The following BOC variants were observed in gnomAD, a reference collection of about 807,000 sequenced individuals.
BOC encodes the protein BOC cell adhesion associated, oncogene regulated.
A neutral mutation model predicts 112.0 loss-of-function variants in BOC; 76 were observed. That is an observed-to-expected ratio of 0.68 (90% CI 0.56 to 0.82). The LOEUF (loss-of-function observed/expected upper bound fraction) is 0.82. Ranked by LOEUF, BOC falls within the 40% of genes least tolerant of loss-of-function variation. BOC has a pLI of 0.00. For synonymous variants in BOC, 580 were observed against 599.8 expected, an observed-to-expected ratio of 0.97 and a Z score of 0.48; for missense variants, 1,309 against 1,511.7, an observed-to-expected ratio of 0.87 and a Z score of 2.22.
chr3:113,228,301 G>A (rs148901547), intron 2 of BOC, among the ~76,000 whole-genome samples: 69 of 144,020 alleles, frequency 4.8e-4, no homozygotes, highest in African/African-American at 1.5e-3. Flanking sequence ...CCCATTATTC[G>A]AATCCTAGGG....
chr3:113,252,527 A>T (rs1945757705), intron 4 of BOC, among the ~76,000 whole-genome samples: 1 of 152,084 alleles, frequency 6.6e-6, no homozygotes, highest in African/African-American at 2.4e-5. Flanking sequence ...GTAGGGAGGG[A>T]TGGAGAAGCA....
At position 113,278,151 on chromosome 3, in the gene BOC, C is replaced by A; in HGVS notation, c.1599C>A (p.His533Gln). The stretch of plus-strand genomic sequence containing the variant: ...TCTCTGGCATTCCAGCCAACCAGCA[C>A]CGCCTGACCCTCACCAGACTTGACC... ...WTISGIPANQ[H>Q]RLTLTRLDPG... Residue 533 changes from histidine (H) to glutamine (Q), a missense_variant, in exon 10 of 20, where the codon CAC becomes CAA. Physicochemically the swap from His to Gln is conservative, Grantham distance 24. Transcript: ENST00000682979. The surrounding 1 kb of genome is among the most constrained non-coding windows in gnomAD (Gnocchi z 4.2). 1.2e-6 allele frequency: 2 copies of A among 1,614,254 alleles called. No homozygotes were observed. Among genetic ancestry groups the A allele is most frequent in the Non-Finnish European group, 1.7e-6 (2 of 1,180,046 alleles).
At chr3:113,255,297 A>G (rs1946114508) in intron 4 of BOC, among the ~76,000 whole-genome samples, 1 of 152,050 alleles carries the variant, frequency 6.6e-6, no homozygotes, top group South Asian at 2.1e-4. Context: ...CTGAACCAAC[A>G]GCAGACCCTG....
At chr3:113,276,038 A>G (rs1576486883) in intron 9 of BOC, among the ~76,000 whole-genome samples, 2 of 152,208 alleles carry the variant, frequency 1.3e-5, no homozygotes, top group East Asian at 3.9e-4. Flanking sequence ...ATGAGTTTTT[A>G]ACAAAAAGCA....
intron 4 of BOC, among the ~76,000 whole-genome samples, chr3:113,260,903 C>T (rs1230184790): frequency 6.6e-6 from 1 of 152,110 alleles, no homozygotes; most frequent in Non-Finnish European, 1.5e-5. Flanking sequence ...ATCCCAAAAC[C>T]ATCCCCCCCA....
chr3:113,282,105 G>A (rs1949253847), intron 15 of BOC, among the ~76,000 whole-genome samples: 1 of 152,194 alleles, frequency 6.6e-6, no homozygotes, highest in South Asian at 2.1e-4. Context: ...GGGGTGTCAG[G>A]CACCGGGAAG....
chr3:113,249,961 A>G lies in BOC; in HGVS notation c.97+62A>G. 4 of 1,442,256 alleles carry G rather than the reference A, an allele frequency of 2.8e-6. No homozygotes were observed. The South Asian group carries it at 3.6e-5, about 13-fold the overall frequency. The allele number at this position is 1,442,256 out of a possible 1,614,324, so 89.3% of individuals were successfully genotyped here. A position where few individuals can be genotyped will look rare whatever the true frequency, so the allele number is the denominator to read the frequency against. ...CAAATGGAAACATTCCGCATTCTACAATAACTCTTTAAAAAGGCCTTCTTT... is the reference window on the plus strand; with the variant it reads ...CAAATGGAAACATTCCGCATTCTACGATAACTCTTTAAAAAGGCCTTCTTT... On this transcript the variant is annotated intron_variant, in intron 3 of 19. Transcript: ENST00000682979.
intron 2 of BOC, among the ~76,000 whole-genome samples, chr3:113,217,052 G>A (rs551254876): frequency 2.3e-4 from 35 of 152,310 alleles, no homozygotes; most frequent in South Asian, 2.1e-4. Context: ...GGAGGTTGGC[G>A]CCTTCATCCT....
intron 4 of BOC, among the ~76,000 whole-genome samples, chr3:113,259,362 A>G (rs1235763924): frequency 6.6e-6 from 1 of 152,232 alleles, no homozygotes; most frequent in Non-Finnish European, 1.5e-5. Flanking sequence ...ATGTTGATTC[A>G]GTGAGCCAAA....
At chr3:113,272,776 C>T in intron 7 of BOC, 73 bp downstream of exon 7, 3 of 1,531,700 alleles carry the variant, frequency 2.0e-6, no homozygotes, top group South Asian at 1.2e-5. Context: ...GAAATGTAAC[C>T]CAGGCTCACA....
chr3:113,213,209 G>T (rs991496511), intron 1 of BOC, among the ~76,000 whole-genome samples: 1 of 152,186 alleles, frequency 6.6e-6, no homozygotes, highest in African/African-American at 2.4e-5. Flanking sequence ...GTTCAAATGG[G>T]TTCGCCTAAG....
At chr3:113,223,490 T>C (rs151212826) in intron 2 of BOC, among the ~76,000 whole-genome samples, 1 of 152,326 alleles carries the variant, frequency 6.6e-6, no homozygotes, top group Admixed American at 6.5e-5. Flanking sequence ...GGGTTCACTC[T>C]TTGTGTTGTA....
At chr3:113,221,715 A>T (rs565499180) in intron 2 of BOC, among the ~76,000 whole-genome samples, 1 of 152,230 alleles carries the variant, frequency 6.6e-6, no homozygotes, top group South Asian at 2.1e-4. Context: ...CCCATTCTTC[A>T]TAGAAAAATC....
chr3:113,257,684 A>G (rs955695290), intron 4 of BOC, among the ~76,000 whole-genome samples: 10 of 151,534 alleles, frequency 6.6e-5, no homozygotes, highest in Non-Finnish European at 1.3e-4. Context: ...CAGTCATTAT[A>G]ATTTTCTTCC....
upstream of BOC, chr3:113,210,954 TG>T (rs1363628912): frequency 6.6e-6 from 1 of 152,072 alleles, no homozygotes; most frequent in Non-Finnish European, 1.5e-5. Context: ...CCTGGGATGA[TG>T]AATGGAGGTC....
At chr3:113,241,666 C>T (rs959361507) in intron 2 of BOC, among the ~76,000 whole-genome samples, 2 of 152,222 alleles carry the variant, frequency 1.3e-5, no homozygotes, top group African/African-American at 4.8e-5. Context: ...AGCTATCTCA[C>T]TGCATTACAA....
At chr3:113,238,637 A>T (rs1176641504) in intron 2 of BOC, among the ~76,000 whole-genome samples, 1 of 152,230 alleles carries the variant, frequency 6.6e-6, no homozygotes, top group Non-Finnish European at 1.5e-5. Flanking sequence ...AGCATGGTAG[A>T]GTGAAAAGAA....
intron 3 of BOC, 97 bp downstream of exon 3, chr3:113,249,996 T>G (rs1413621206): frequency 3.9e-6 from 4 of 1,025,450 alleles, no homozygotes; most frequent in Non-Finnish European, 5.8e-6. Flanking sequence ...TACCTGGATT[T>G]CAAAGAACAC....
chr3:113,225,236 T>G (rs1277487828), intron 2 of BOC, among the ~76,000 whole-genome samples: 1 of 151,264 alleles, frequency 6.6e-6, no homozygotes, highest in Non-Finnish European at 1.5e-5. Context: ...ATTGCACCAC[T>G]GCACTCCAGC....
Sources: gnomAD v4.1 joint callset for allele counts (sites outside exome capture counted in the v4.1 genomes callset) on GRCh38, gnomAD v4.1.1 for gene constraint, Gnocchi (gnomAD v3.1) non-coding constraint, MANE v1.5 for transcripts, NCBI Gene and HGNC (gene_info 2026-07-23, HGNC 2026-07-21) for gene names.